CCDC178: variants seen among roughly 807,000 people sequenced by gnomAD.
CCDC178 encodes coiled-coil domain-containing protein 178.
Under a neutral mutation model 117.4 loss-of-function variants are expected in CCDC178, and 126 were observed. The ratio of observed to expected loss-of-function variants is 1.07; its 90% CI spans 0.93 to 1.24. The LOEUF (loss-of-function observed/expected upper bound fraction) is 1.24. Ranked by LOEUF, CCDC178 falls within the 50% of genes most tolerant of loss-of-function variation. CCDC178 has a pLI of 0.00. For missense variants in CCDC178, 1,030 were observed against 986.9 expected, an observed-to-expected ratio of 1.04 and a Z score of -0.59; for synonymous variants, 283 against 313.4, an observed-to-expected ratio of 0.90 and a Z score of 1.02.
Position 33,066,811 on chromosome 18 carries a change from T to C in CCDC178, c.2388+25950A>G, listed in dbSNP as rs111702391. 4.7e-4 allele frequency among the ~76,000 whole-genome samples: 71 copies of C among 152,162 alleles called. 1 individual carries two copies. The highest frequency in any genetic ancestry group is 3.2e-3 in the Middle Eastern group (1 of 316). ...ATCCATCAAGAGGATATCACAATTC[T>C]ATGTATATATGCACCCAACACTGGA... On this transcript the variant is annotated intron_variant, in intron 21 of 22. Coordinates refer to ENST00000383096, the MANE Select transcript of CCDC178 (RefSeq NM_001105528.4).
intron 5 of CCDC178, among the ~76,000 whole-genome samples, chr18:33,387,049 A>G (rs1599255167): frequency 6.6e-6 from 1 of 152,302 alleles, no homozygotes. Context: ...TGCAGAAATC[A>G]TAAGCATTCC....
chr18:32,943,420 A>AT (rs984708405), intron 22 of CCDC178, among the ~76,000 whole-genome samples: 1 of 151,814 alleles, frequency 6.6e-6, no homozygotes, highest in African/African-American at 2.4e-5. Flanking sequence ...AATAGGTCCT[A>AT]TTTTTTTTCT....
intron 20 of CCDC178, among the ~76,000 whole-genome samples, chr18:33,119,370 C>T (rs191665959): frequency 1.9e-4 from 29 of 152,194 alleles, no homozygotes; most frequent in African/African-American, 3.1e-4. Context: ...AAAAAGTGGG[C>T]GAAGGATATG....
intron 21 of CCDC178, among the ~76,000 whole-genome samples, chr18:33,088,662 A>C (rs1567981159): frequency 1.3e-5 from 2 of 152,120 alleles, no homozygotes; most frequent in South Asian, 2.1e-4. Context: ...TTCTATGAGG[A>C]TCAGAAGTAT....
intron 21 of CCDC178, among the ~76,000 whole-genome samples, chr18:33,059,675 G>C (rs563221338): frequency 4.0e-4 from 61 of 152,064 alleles, no homozygotes; most frequent in Middle Eastern, 3.4e-3. Flanking sequence ...CATTGCCTTT[G>C]TGTCAGTATC....
Position 33,215,545 on chromosome 18 carries a change from C to A in CCDC178, c.2078+5G>T, listed in dbSNP as rs1252361615. On this transcript the variant is annotated splice_donor_5th_base_variant and intron_variant, in intron 19 of 22. Coordinates refer to ENST00000383096, the MANE Select transcript of CCDC178 (RefSeq NM_001105528.4). The stretch of plus-strand genomic sequence containing the variant: ...TTCATATTTTGATAAAGTTTAAGTA[C>A]TTACTTTAATATTTCAAGTGTCTGA... 1 of 1,298,482 alleles carries A rather than the reference C, an allele frequency of 7.7e-7. No individual in the cohort carries two copies. The highest frequency in any genetic ancestry group is 1.6e-5 in the South Asian group (1 of 63,568). The allele number at this position is 1,298,482 out of a possible 1,614,324, so 80.4% of individuals were successfully genotyped here.
Position 33,132,937 on chromosome 18 carries a change from G to A in CCDC178, c.2239-40027C>T, listed in dbSNP as rs372174030. 4.0e-5 allele frequency among the ~76,000 whole-genome samples: 6 copies of A among 151,806 alleles called. No individual in the cohort carries two copies. In the East Asian group the frequency reaches 9.7e-4, roughly 24 times the overall value. ...TCCCTAACCCTAAAAGTTGTTAAAG[G>A]CATTTTAATTTCCCGAGGCAAAAGA... On this transcript the variant is annotated intron_variant, in intron 20 of 22. Transcript: ENST00000383096.
intron 12 of CCDC178, among the ~76,000 whole-genome samples, chr18:33,283,493 A>G (rs1483208658): frequency 6.6e-6 from 1 of 152,342 alleles, no homozygotes; most frequent in Non-Finnish European, 1.5e-5. Context: ...ACAGAATGGG[A>G]GAAAATTTTT....
At chr18:33,340,982 G>T (rs1302101251) in intron 9 of CCDC178, among the ~76,000 whole-genome samples, 1 of 152,098 alleles carries the variant, frequency 6.6e-6, no homozygotes, top group Admixed American at 6.5e-5. Flanking sequence ...GTCCAGAATG[G>T]TAGATCCACC....
chr18:33,242,949 C>G (rs1422136300), intron 15 of CCDC178, among the ~76,000 whole-genome samples: 1 of 151,686 alleles, frequency 6.6e-6, no homozygotes, highest in East Asian at 1.9e-4. Context: ...ATCTGTATCC[C>G]CATGTTTTTT....
At chr18:33,073,584 T>G (rs577389375) in intron 21 of CCDC178, among the ~76,000 whole-genome samples, 2 of 152,154 alleles carry the variant, frequency 1.3e-5, no homozygotes, top group South Asian at 2.1e-4. Flanking sequence ...TTCAGATTAT[T>G]TTCCTATAAA....
intron 22 of CCDC178, among the ~76,000 whole-genome samples, chr18:32,951,400 C>T (rs780923961): frequency 3.9e-5 from 6 of 152,158 alleles, no homozygotes; most frequent in Non-Finnish European, 8.8e-5. Context: ...GACTTACAAT[C>T]ATGGTGGAAG....
At chr18:33,034,721 A>G (rs1488540372) in intron 21 of CCDC178, among the ~76,000 whole-genome samples, 2 of 152,006 alleles carry the variant, frequency 1.3e-5, no homozygotes, top group African/African-American at 4.8e-5. Context: ...GTATGTTTCC[A>G]GATCCTAGCC....
intron 12 of CCDC178, among the ~76,000 whole-genome samples, chr18:33,284,377 G>A (rs1201192482): frequency 1.3e-5 from 2 of 151,988 alleles, no homozygotes; most frequent in African/African-American, 2.4e-5. Flanking sequence ...ACCTACACAC[G>A]TATCCCTGAA....
intron 2 of CCDC178, among the ~76,000 whole-genome samples, chr18:33,415,104 G>T (rs1328344449): frequency 2.0e-5 from 3 of 152,222 alleles, no homozygotes. Context: ...CTGTTGGTGG[G>T]ACTGTAAACT....
intron 20 of CCDC178, among the ~76,000 whole-genome samples, chr18:33,171,734 A>G (rs2058602295): frequency 6.6e-6 from 1 of 152,190 alleles, no homozygotes; most frequent in Non-Finnish European, 1.5e-5. Context: ...CTCTGCATAG[A>G]GAGGAGCTGA....
intron 20 of CCDC178, among the ~76,000 whole-genome samples, chr18:33,168,935 A>C (rs1406143377): frequency 6.6e-6 from 1 of 152,216 alleles, no homozygotes. Context: ...CTCAGCCTAC[A>C]TCCTGTTATG....
At chr18:33,062,006 T>C (rs2056930560) in intron 21 of CCDC178, among the ~76,000 whole-genome samples, 1 of 152,230 alleles carries the variant, frequency 6.6e-6, no homozygotes, top group Admixed American at 6.5e-5. Context: ...GGATTTATTT[T>C]ACTTTGTATT....
At chr18:33,137,966 TC>T (rs2058149800) in intron 20 of CCDC178, among the ~76,000 whole-genome samples, 1 of 152,236 alleles carries the variant, frequency 6.6e-6, no homozygotes, top group Admixed American at 6.5e-5. Flanking sequence ...TAGGATATAT[TC>T]TTTAGCCATT....
Sources: allele counts gnomAD v4.1 joint callset (sites outside exome capture counted in the v4.1 genomes callset), GRCh38; gene constraint gnomAD v4.1.1; transcripts MANE v1.5; gene names NCBI Gene and HGNC (gene_info 2026-07-23, HGNC 2026-07-21).